The following PPP1R1C variants were observed in gnomAD, a reference collection of about 807,000 sequenced individuals.
The protein encoded by PPP1R1C is protein phosphatase 1 regulatory subunit 1C.
PPP1R1C carries 15 observed loss-of-function variants against 17.4 expected under a neutral mutation model. The ratio of observed to expected loss-of-function variants is 0.86; its 90% CI spans 0.58 to 1.33. PPP1R1C has a LOEUF of 1.33. Among genes scored for constraint, PPP1R1C ranks in the 40% most tolerant of loss-of-function variants. The pLI, the probability that PPP1R1C is intolerant of heterozygous loss-of-function variation, is 0.00. For synonymous variants in PPP1R1C, 35 were observed against 43.1 expected, an observed-to-expected ratio of 0.81 and a Z score of 0.73; for missense variants, 143 against 130.0, an observed-to-expected ratio of 1.10 and a Z score of -0.48.
At chr2:182,008,094 AAT>A (rs56977896) in intron 2 of PPP1R1C, among the ~76,000 whole-genome samples, 1 of 129,026 alleles carries the variant, frequency 7.8e-6, no homozygotes, top group Non-Finnish European at 1.8e-5. Context: ...TAAATAAAAA[AAT>A]AAAATAAAAT....
intron 5 of PPP1R1C, among the ~76,000 whole-genome samples, chr2:182,125,335 A>T (rs1009982669): frequency 2.0e-4 from 30 of 152,254 alleles, no homozygotes; most frequent in Middle Eastern, 6.8e-3. Flanking sequence ...ATCGATGTTC[A>T]TCAGGTATAT....
At chr2:182,076,193 T>TTTTC (rs1559082856) in intron 4 of PPP1R1C, among the ~76,000 whole-genome samples, 4 of 98,010 alleles carry the variant, frequency 4.1e-5, no homozygotes, top group African/African-American at 1.8e-4. Context: ...TTTTTTTTTC[T>TTTTC]TTTCTTTTTT....
intron 2 of PPP1R1C, among the ~76,000 whole-genome samples, chr2:181,988,621 GC>G (rs1245739322): frequency 6.6e-6 from 1 of 152,184 alleles, no homozygotes; most frequent in Non-Finnish European, 1.5e-5. Flanking sequence ...ACATTAATTT[GC>G]AACCAGGCAG....
chr2:182,095,995 T>TA (rs35074121), intron 4 of PPP1R1C, among the ~76,000 whole-genome samples: 38,182 of 131,368 alleles, frequency 0.29, 5,309 homozygotes, highest in African/African-American at 0.41. Flanking sequence ...AAAAAAACTC[T>TA]AAAAAAAAAA....
chr2:182,039,764 A>G (rs1029156871), intron 2 of PPP1R1C, among the ~76,000 whole-genome samples: 1 of 152,146 alleles, frequency 6.6e-6, no homozygotes, highest in Admixed American at 6.6e-5. Context: ...TAAGTAGTGT[A>G]TATTGTACCC....
At chr2:182,057,997 G>A (rs1247759472) in intron 2 of PPP1R1C, among the ~76,000 whole-genome samples, 1 of 152,036 alleles carries the variant, frequency 6.6e-6, no homozygotes, top group Admixed American at 6.6e-5. Context: ...GTCCCATGGA[G>A]CACCTTCTTC....
intron 5 of PPP1R1C, among the ~76,000 whole-genome samples, chr2:182,123,219 A>G (rs1559102449): frequency 1.3e-5 from 2 of 152,206 alleles, no homozygotes; most frequent in Non-Finnish European, 2.9e-5. Flanking sequence ...TCCATGGTGT[A>G]TATGTGCCAC....
At chr2:182,105,717 G>A (rs1689226106) in intron 4 of PPP1R1C, among the ~76,000 whole-genome samples, 1 of 152,214 alleles carries the variant, frequency 6.6e-6, no homozygotes, top group African/African-American at 2.4e-5. Flanking sequence ...GTGCTTCCAA[G>A]AAGCTGAATG....
At chr2:182,037,445 G>A (rs376379237) in intron 2 of PPP1R1C, among the ~76,000 whole-genome samples, 67 of 152,086 alleles carry the variant, frequency 4.4e-4, no homozygotes, top group African/African-American at 1.5e-3. Context: ...AAATTAGCTG[G>A]GTGTGGTGGT....
chr2:182,008,084 T>TAA (rs1254951299), intron 2 of PPP1R1C, among the ~76,000 whole-genome samples: 1,699 of 25,698 alleles, frequency 0.066, 42 homozygotes, highest in African/African-American at 0.1. Flanking sequence ...AACAAACAAA[T>TAA]AAATAAAAAA....
intron 2 of PPP1R1C, among the ~76,000 whole-genome samples, chr2:182,053,207 A>G (rs1687578688): frequency 1.3e-5 from 2 of 152,224 alleles, no homozygotes; most frequent in African/African-American, 2.4e-5. Flanking sequence ...AGTTTCCTCC[A>G]TCTTCCATTC....
At chr2:181,969,658 T>C (rs1241104997) in intron 1 of PPP1R1C, among the ~76,000 whole-genome samples, 3 of 152,190 alleles carry the variant, frequency 2.0e-5, no homozygotes, top group Non-Finnish European at 4.4e-5. Context: ...TTCTCCAGTT[T>C]TGGGAAATTT....
chr2:181,985,275 TTA>T (rs1487009813), upstream of PPP1R1C, among the ~76,000 whole-genome samples: 2 of 152,198 alleles, frequency 1.3e-5, no homozygotes, highest in Admixed American at 1.3e-4. This position sits in a 1 kb window ranked among gnomAD's most constrained non-coding sequence, Gnocchi z 4.1. Flanking sequence ...GGATGGGACT[TTA>T]AAGGTCATTG....
chr2:182,110,207 A>G (rs1460646805), intron 4 of PPP1R1C, among the ~76,000 whole-genome samples: 2 of 152,198 alleles, frequency 1.3e-5, no homozygotes, highest in African/African-American at 4.8e-5. Context: ...AAATAAATGT[A>G]TCAAAATATC....
At chr2:182,104,031 C>T (rs904341209) in intron 4 of PPP1R1C, among the ~76,000 whole-genome samples, 2 of 152,182 alleles carry the variant, frequency 1.3e-5, no homozygotes, top group Non-Finnish European at 2.9e-5. Context: ...GTTTGGTGAT[C>T]AGAAAGCATT....
At chr2:182,059,360 AT>A (rs892822303) in intron 2 of PPP1R1C, among the ~76,000 whole-genome samples, 59 of 149,932 alleles carry the variant, frequency 3.9e-4, no homozygotes, top group East Asian at 1.8e-3. Flanking sequence ...CCAAAATAGT[AT>A]TTTTTTTTTC....
chr2:182,062,009 T>C (rs1687864190), intron 3 of PPP1R1C, among the ~76,000 whole-genome samples: 1 of 152,050 alleles, frequency 6.6e-6, no homozygotes, highest in Non-Finnish European at 1.5e-5. Flanking sequence ...CACATACATG[T>C]GTAGGAGTTT....
chr2:181,968,031 T>A (rs1684937027), intron 1 of PPP1R1C, among the ~76,000 whole-genome samples: 1 of 152,218 alleles, frequency 6.6e-6, no homozygotes, highest in African/African-American at 2.4e-5. Context: ...CGATTTCTAG[T>A]TTTACTCCAT....
Position 181,961,380 on chromosome 2 carries a change from C to A in PPP1R1C, n.111+6746C>A. 1.4e-6 allele frequency: 1 copy of A among 717,230 alleles called. No homozygotes were observed. Among genetic ancestry groups the A allele is most frequent in the Non-Finnish European group, 2.5e-6 (1 of 396,582 alleles). 44.4% of individuals were successfully genotyped at this position (717,230 alleles called of 1,614,324 possible). A position where few individuals can be genotyped will look rare whatever the true frequency, so the allele number is the denominator to read the frequency against. ...CAGCCTCCAGCTTGACCTTGATGTT[C>A]AGCAGAGCCTCGTACTCCCCGATCT... On this transcript the variant is annotated intron_variant and non_coding_transcript_variant, in intron 1 of 5. Coordinates refer to the PPP1R1C transcript ENST00000464264. This position sits in a 1 kb window ranked among gnomAD's most constrained non-coding sequence, Gnocchi z 5.8.
Sources: gnomAD v4.1 joint callset for allele counts (sites outside exome capture counted in the v4.1 genomes callset) on GRCh38, gnomAD v4.1.1 for gene constraint, Gnocchi (gnomAD v3.1) non-coding constraint, MANE v1.5 for transcripts, NCBI Gene and HGNC (gene_info 2026-07-23, HGNC 2026-07-21) for gene names.